TENM2: variants seen among roughly 807,000 people sequenced by gnomAD.
TENM2 encodes the protein teneurin-2.
A neutral mutation model predicts 245.2 loss-of-function variants in TENM2; 52 were observed. The observed-to-expected ratio is 0.21, with a 90% CI of 0.17 to 0.27. TENM2 has a LOEUF of 0.27. Among genes scored for constraint, TENM2 ranks in the 10% least tolerant of loss-of-function variants. TENM2 has a pLI of 1.00. For synonymous variants in TENM2, 1,363 were observed against 1,438.9 expected (o/e 0.95, Z 1.19); for missense variants, 3,046 against 3,666.8 (o/e 0.83, Z 4.37).
chr5:168,177,938 G>T (rs556189766), intron 13 of TENM2, among the ~76,000 whole-genome samples: 3 of 152,216 alleles, frequency 2.0e-5, no homozygotes, highest in Non-Finnish European at 4.4e-5. Context: ...GAATGACACC[G>T]TTTAGAAATT....
chr5:167,050,879 T>C, the TENM2 span, among the ~76,000 whole-genome samples: 1 of 152,176 alleles, frequency 6.6e-6, no homozygotes, highest in Non-Finnish European at 1.5e-5. Flanking sequence ...AATGGGATCC[T>C]GAACCTAATG....
In TENM2 at chr5:168,139,624, G is replaced by T; in HGVS notation, c.2422+12658G>T. 3 of 452,988 alleles carry T rather than the reference G, an allele frequency of 6.6e-6. No individual in the cohort carries two copies. In the Admixed American group the frequency reaches 7.1e-5, roughly 11 times the overall value. The allele number at this position is 452,988 out of a possible 1,614,324, so 28.1% of individuals were successfully genotyped here. ...TGAGGGCACTATGAATTAAGTATCT[G>T]TGTTGATTCAGGGAAGGGGAGGGAG... On this transcript the variant is annotated intron_variant, in intron 12 of 28. Transcript: ENST00000518659.
intron 7 of TENM2, among the ~76,000 whole-genome samples, chr5:168,084,983 A>G (rs1792319874): frequency 6.6e-6 from 1 of 152,166 alleles, no homozygotes; most frequent in Non-Finnish European, 1.5e-5. Context: ...AGCTACAACT[A>G]GGTTCTTGGA....
chr5:167,925,172 C>T (rs1448259384), intron 3 of TENM2, among the ~76,000 whole-genome samples: 2 of 152,182 alleles, frequency 1.3e-5, no homozygotes, highest in Non-Finnish European at 2.9e-5. Context: ...TAGCATCATA[C>T]AATAGAATAC....
At chr5:167,763,344 T>C (rs78667453) in intron 2 of TENM2, among the ~76,000 whole-genome samples, 4,507 of 152,232 alleles carry the variant, frequency 0.03, 234 homozygotes, top group African/African-American at 0.1. Context: ...CAAGTCTAAG[T>C]CATTTCATTC....
chr5:168,090,541 T>A (rs1362505429), intron 7 of TENM2, 33 bp from the exon 10 acceptor site: 3 of 1,594,768 alleles, frequency 1.9e-6, no homozygotes, highest in Admixed American at 1.7e-5. Context: ...CCACACCTTG[T>A]CTCATGCATG....
intron 2 of TENM2, among the ~76,000 whole-genome samples, chr5:167,526,189 A>G (rs1400853678): frequency 4.6e-5 from 7 of 152,064 alleles, no homozygotes; most frequent in Non-Finnish European, 1.5e-5. Context: ...ATGAACAGCA[A>G]AAAGAGACCT....
chr5:167,066,270 A>G, the TENM2 span, among the ~76,000 whole-genome samples: 3 of 152,172 alleles, frequency 2.0e-5, no homozygotes, highest in African/African-American at 7.2e-5. Context: ...ATGGGGCATC[A>G]GTTAAGGGGA....
the TENM2 span, among the ~76,000 whole-genome samples, chr5:167,238,007 C>T: frequency 4.1e-5 from 3 of 72,442 alleles, no homozygotes; most frequent in African/African-American, 2.1e-4. Flanking sequence ...GAGACTCTGT[C>T]TCAAAAAAAA....
At chr5:167,749,983 C>T (rs183510557) in intron 2 of TENM2, among the ~76,000 whole-genome samples, 2,089 of 152,194 alleles carry the variant, frequency 0.014, 44 homozygotes, top group Non-Finnish European at 0.017. Context: ...ATCATCATCT[C>T]CCTTTGCTTT....
intron 2 of TENM2, among the ~76,000 whole-genome samples, chr5:167,505,519 A>G (rs1239297227): frequency 6.6e-6 from 1 of 151,938 alleles, no homozygotes; most frequent in Non-Finnish European, 1.5e-5. Flanking sequence ...TAGTTATTAT[A>G]TGAAAGCTAA....
chr5:168,111,624 A>C (rs978072362), intron 9 of TENM2, among the ~76,000 whole-genome samples: 4 of 152,156 alleles, frequency 2.6e-5, no homozygotes, highest in African/African-American at 7.2e-5. Context: ...TGCCAAGGTC[A>C]ACAGACTTCC....
chr5:168,045,929 G>A (rs73803860), intron 5 of TENM2, among the ~76,000 whole-genome samples: 75 of 152,200 alleles, frequency 4.9e-4, no homozygotes, highest in African/African-American at 1.8e-3. Context: ...GAGAAAATTA[G>A]GTGTTACCTT....
Position 167,929,833 on chromosome 5 carries a change from T to C in TENM2, c.713-22755T>C, listed in dbSNP as rs75767121. The stretch of plus-strand genomic sequence containing the variant: ...CAAAAATAGAGACTGACAAAATTGG[T>C]AGGGGAAGAGTTAGGAAATTTTTCC... On this transcript the variant is annotated intron_variant, in intron 3 of 28. Transcript: ENST00000518659. 6.2e-3 allele frequency among the ~76,000 whole-genome samples: 942 copies of C among 152,154 alleles called. 14 individuals are homozygous for C. Among genetic ancestry groups the C allele is most frequent in the Non-Finnish European group, 7.7e-3 (526 of 68,000 alleles).
chr5:167,419,810 G>A (rs1763384894), intron 2 of TENM2, among the ~76,000 whole-genome samples: 1 of 152,158 alleles, frequency 6.6e-6, no homozygotes, highest in Non-Finnish European at 1.5e-5. Context: ...TCCGAAAAGG[G>A]AAAACTCAGC....
chr5:167,227,251 T>A, the TENM2 span, among the ~76,000 whole-genome samples: 1 of 152,130 alleles, frequency 6.6e-6, no homozygotes, highest in African/African-American at 2.4e-5. Context: ...ACATTCTTTG[T>A]TCCTTTATTT....
intron 4 of TENM2, among the ~76,000 whole-genome samples, chr5:167,971,573 C>T (rs1300452441): frequency 3.9e-5 from 6 of 152,054 alleles, no homozygotes; most frequent in East Asian, 3.9e-4. Flanking sequence ...TGGTGGTGCA[C>T]GCCTATAATC....
chr5:167,113,435 A>G, the TENM2 span, among the ~76,000 whole-genome samples: 2 of 151,954 alleles, frequency 1.3e-5, no homozygotes, highest in Admixed American at 6.6e-5. Context: ...GAGCCTAGGA[A>G]TTGGAAACCA....
intron 2 of TENM2, among the ~76,000 whole-genome samples, chr5:167,537,102 T>A (rs1021931249): frequency 3.3e-5 from 5 of 151,946 alleles, no homozygotes; most frequent in Admixed American, 6.6e-5. Context: ...TTCGAGGGAA[T>A]GGATTGAAAT....
Sources: allele counts gnomAD v4.1 joint callset (sites outside exome capture counted in the v4.1 genomes callset), GRCh38; gene constraint gnomAD v4.1.1; transcripts MANE v1.5; gene names NCBI Gene and HGNC (gene_info 2026-07-23, HGNC 2026-07-21).